Variants in PDE4A observed in about 807,000 individuals in gnomAD.
PDE4A encodes 3',5'-cyclic-AMP phosphodiesterase 4A.
In PDE4A, 21 loss-of-function variants were observed where a neutral mutation model predicts 73.9. That is an observed-to-expected ratio of 0.28 (90% CI 0.20 to 0.41). The LOEUF (loss-of-function observed/expected upper bound fraction) is 0.41. Ranked by LOEUF, PDE4A falls within the 10% of genes least tolerant of loss-of-function variation. The pLI, the probability that PDE4A is intolerant of heterozygous loss-of-function variation, is 1.00. For synonymous variants in PDE4A, 463 were observed against 505.4 expected (o/e 0.92, Z 1.13); for missense variants, 958 against 1,211.4 (o/e 0.79, Z 3.10).
rs146534180 is a variant in PDE4A at position 10,434,213 on chromosome 19, C to CTT, written c.321-11993_321-11992dup. On this transcript the variant is annotated intron_variant, in intron 1 of 14. Transcript: ENST00000380702. The stretch of plus-strand genomic sequence containing the variant: ...TCTTTCCTTCTTTCTCTCTTTCTTC[C>CTT]TTTTTTTTTTTTTCAGGGTCTCGCT... Among the ~76,000 whole-genome samples, 144 of 134,752 alleles carry CTT rather than the reference C, an allele frequency of 1.1e-3. 1 individual carries two copies. Among genetic ancestry groups the CTT allele is most frequent in the African/African-American group, 3.5e-3 (125 of 35,974 alleles). 88.4% of individuals were successfully genotyped at this position (134,752 alleles called of 152,430 possible). A position where few individuals can be genotyped will look rare whatever the true frequency, so the allele number is the denominator to read the frequency against.
chr19:10,452,221 C>T (rs1415237187), intron 6 of PDE4A, among the ~76,000 whole-genome samples: 2 of 151,826 alleles, frequency 1.3e-5, no homozygotes, highest in Non-Finnish European at 2.9e-5. Context: ...GGGCGGATCA[C>T]CTGAGGTCGG....
chr19:10,443,376 C>T (rs1479952275), intron 1 of PDE4A, among the ~76,000 whole-genome samples: 1 of 150,848 alleles, frequency 6.6e-6, no homozygotes, highest in Non-Finnish European at 1.5e-5. Context: ...GAGACCCCAT[C>T]TCTACAAAAA....
chr19:10,461,182 T>C (rs1170702063), intron 11 of PDE4A, 79 bp downstream of exon 11: 2 of 1,341,526 alleles, frequency 1.5e-6, no homozygotes, highest in African/African-American at 1.8e-5. Context: ...CTAACTAGGC[T>C]GGAGGAGGGG....
upstream of PDE4A, chr19:10,419,489 G>A (rs2042622438): frequency 6.6e-6 from 1 of 152,230 alleles, no homozygotes; most frequent in Admixed American, 6.5e-5. Flanking sequence ...TGCGCTCCGC[G>A]GCTACCTGGG....
intron 1 of PDE4A, among the ~76,000 whole-genome samples, chr19:10,428,119 A>G (rs1310476590): frequency 6.6e-6 from 1 of 152,180 alleles, no homozygotes; most frequent in East Asian, 1.9e-4. Context: ...TGGGAGGCCA[A>G]GGCGGGCAGA....
chr19:10,459,122 C>A, intron 8 of PDE4A: 1 of 457,852 alleles, frequency 2.2e-6, no homozygotes, highest in Non-Finnish European at 4.0e-6. Flanking sequence ...AGTCACATCG[C>A]CTCTCTGAGC....
chr19:10,449,021 G>A (rs1396304853), intron 3 of PDE4A, 59 bp from the exon 4 acceptor site: 2 of 1,610,694 alleles, frequency 1.2e-6, no homozygotes, highest in East Asian at 2.2e-5. Context: ...TGGGGACAGG[G>A]CCCAGCCCCG....
At chr19:10,459,215 T>C in intron 8 of PDE4A, 185 bp from the exon 9 acceptor site, 1 of 985,482 alleles carries the variant, frequency 1.0e-6, no homozygotes, top group South Asian at 1.7e-5. Context: ...ACAGTGGCTG[T>C]GATTGCTTTC....
At chr19:10,457,142 G>T (rs1450721205) in intron 7 of PDE4A, among the ~76,000 whole-genome samples, 1 of 152,118 alleles carries the variant, frequency 6.6e-6, no homozygotes, top group Non-Finnish European at 1.5e-5. Flanking sequence ...AGGCTACAGT[G>T]AGCCAGAGAT....
intron 1 of PDE4A, chr19:10,423,031 C>A: frequency 2.3e-6 from 2 of 852,470 alleles, no homozygotes; most frequent in Non-Finnish European, 2.8e-6. Context: ...CTCGCAATGG[C>A]TCACCCTCCG....
At chr19:10,422,057 G>T (rs2042658106) in intron 1 of PDE4A, among the ~76,000 whole-genome samples, 1 of 152,178 alleles carries the variant, frequency 6.6e-6, no homozygotes, top group Admixed American at 6.5e-5. Context: ...TGTGCTCCAA[G>T]AATGCTGTGA....
At chr19:10,428,922 T>G in intron 1 of PDE4A, 17 of 970,176 alleles carry the variant, frequency 1.8e-5, no homozygotes, top group Non-Finnish European at 2.1e-5. Context: ...GCCAACATGG[T>G]GAAACCCCAT....
rs566700438 is a variant in PDE4A at position 10,424,761 on chromosome 19, G to A, written c.320+3677G>A. 3.3e-5 allele frequency among the ~76,000 whole-genome samples: 5 copies of A among 152,348 alleles called. No homozygotes were observed. In the East Asian group the frequency reaches 7.7e-4, roughly 24 times the overall value. ...GCGGGGACTGTCGTCTGGAGGACAG[G>A]GAGGAACCTGGCCGAAAAGTTGCAG... On this transcript the variant is annotated intron_variant, in intron 1 of 14. Coordinates refer to ENST00000380702, the MANE Select transcript of PDE4A (RefSeq NM_001111307.2). The surrounding 1 kb of genome is among the most constrained non-coding windows in gnomAD (Gnocchi z 4.8).
intron 13 of PDE4A, among the ~76,000 whole-genome samples, chr19:10,463,433 A>C (rs1599459209): frequency 6.1e-5 from 6 of 98,388 alleles, no homozygotes; most frequent in African/African-American, 8.4e-5. Context: ...ATGGAGTCTC[A>C]CTCTGTCGCC....
chr19:10,435,561 AACACACACACACACAC>A (rs35022243), intron 1 of PDE4A, among the ~76,000 whole-genome samples: 5 of 145,366 alleles, frequency 3.4e-5, no homozygotes, highest in Admixed American at 2.8e-4. Flanking sequence ...ACCCTGTATC[AACACACACACACACAC>A]ACACACACAC....
chr19:10,423,833 A>G (rs2042681469), intron 1 of PDE4A, among the ~76,000 whole-genome samples: 1 of 152,204 alleles, frequency 6.6e-6, no homozygotes, highest in African/African-American at 2.4e-5. Flanking sequence ...TGCACCCTTC[A>G]GTGTCTGTGC....
intron 1 of PDE4A, among the ~76,000 whole-genome samples, chr19:10,423,471 T>C (rs556952922): frequency 6.6e-6 from 1 of 152,224 alleles, no homozygotes; most frequent in African/African-American, 2.4e-5. Flanking sequence ...AAACCTTTTC[T>C]CTTTCTCACC....
Position 10,420,619 on chromosome 19 carries a change from G to A in PDE4A, c.-146G>A, listed in dbSNP as rs1198800254. On this transcript the variant is annotated 5_prime_UTR_variant, in exon 1 of 15. Coordinates refer to ENST00000380702, the MANE Select transcript of PDE4A (RefSeq NM_001111307.2). This position sits in a 1 kb window ranked among gnomAD's most constrained non-coding sequence, Gnocchi z 6.0. ...GGCCCGGGGGCGATTGGCCCGCAGC[G>A]CCCCCGGGTCTGTCCCCGGGGCGCC... 1.5e-6 allele frequency: 2 copies of A among 1,306,428 alleles called. No homozygotes were observed. The highest frequency in any genetic ancestry group is 6.4e-5 in the East Asian group (2 of 31,298). 80.9% of individuals were successfully genotyped at this position (1,306,428 alleles called of 1,614,324 possible).
intron 1 of PDE4A, chr19:10,430,843 C>T: frequency 2.5e-6 from 3 of 1,185,462 alleles, no homozygotes; most frequent in Non-Finnish European, 2.1e-6. Context: ...CGCCCCGCGG[C>T]CATGGCGCGG....
Sources: gnomAD v4.1 joint callset for allele counts (sites outside exome capture counted in the v4.1 genomes callset) on GRCh38, gnomAD v4.1.1 for gene constraint, Gnocchi (gnomAD v3.1) non-coding constraint, MANE v1.5 for transcripts, NCBI Gene and HGNC (gene_info 2026-07-23, HGNC 2026-07-21) for gene names.